Variants in PCDHA3 observed in about 807,000 individuals in gnomAD.
PCDHA3 encodes the protein protocadherin alpha 3.
A neutral mutation model predicts 62.2 loss-of-function variants in PCDHA3; 41 were observed. The ratio of observed to expected loss-of-function variants is 0.66; its 90% CI spans 0.51 to 0.86. The LOEUF is 0.86. Among genes scored for constraint, PCDHA3 ranks in the 40% least tolerant of loss-of-function variants. PCDHA3 has a pLI of 0.00. For missense variants in PCDHA3, 1,304 were observed against 1,241.2 expected (o/e 1.05, Z -0.76); for synonymous variants, 640 against 555.4 (o/e 1.15, Z -2.14).
chr5:140,831,227 C>T (rs1037770738), intron 1 of PCDHA3: 2 of 152,168 alleles, frequency 1.3e-5, no homozygotes, highest in Admixed American at 1.3e-4. Context: ...AAACTGCATT[C>T]CTCTGGCATT....
chr5:140,977,518 G>C (rs1328241179), intron 1 of PCDHA3, among the ~76,000 whole-genome samples: 5 of 152,166 alleles, frequency 3.3e-5, no homozygotes, highest in African/African-American at 7.2e-5. Context: ...TTGTGAACTT[G>C]AAAACAAAGG....
intron 1 of PCDHA3, among the ~76,000 whole-genome samples, chr5:140,891,825 G>T (rs2153435686): frequency 6.6e-6 from 1 of 152,302 alleles, no homozygotes; most frequent in East Asian, 1.9e-4. Flanking sequence ...TAACGGCACT[G>T]TAAAAGGACT....
rs1554122421 is a variant in PCDHA3 at position 140,802,865 on chromosome 5, G to A, written c.1668G>A (p.Leu556=). 6.2e-7 allele frequency: 1 copy of A among 1,613,494 alleles called. No individual in the cohort carries two copies. The highest frequency in any genetic ancestry group is 1.1e-5 in the South Asian group (1 of 91,066). The change falls in exon 1 of 4, where the codon CTG becomes CTA. Residue 556 remains leucine (L), a synonymous_variant. Coordinates refer to ENST00000522353, the MANE Select transcript of PCDHA3 (RefSeq NM_018906.3). ...GSNVTLQVFV[L]DENDNAPALL... is the part of the protein sequence containing the mutation. The stretch of plus-strand genomic sequence containing the variant: ...ACGTGACGCTGCAGGTGTTCGTGCT[G>A]GACGAGAACGACAACGCGCCGGCAC...
At chr5:140,885,107 T>G (rs2060471687) in intron 1 of PCDHA3, among the ~76,000 whole-genome samples, 1 of 152,238 alleles carries the variant, frequency 6.6e-6, no homozygotes, top group African/African-American at 2.4e-5. Context: ...TAAATGCTTT[T>G]TTTAAGTGCA....
intron 1 of PCDHA3, chr5:140,803,821 G>T: frequency 1.5e-6 from 1 of 658,616 alleles, no homozygotes; most frequent in Non-Finnish European, 2.5e-6. Flanking sequence ...TTGTTATTAG[G>T]TGCAGTAGTA....
intron 1 of PCDHA3, chr5:140,859,028 T>C (rs1281709317): frequency 6.6e-6 from 1 of 150,998 alleles, no homozygotes; most frequent in Non-Finnish European, 1.5e-5. Flanking sequence ...AGTTAAATGC[T>C]TTGAACTTTA....
rs147219331 is a variant in PCDHA3, at chr5:140,927,900, T to C, written c.2395-51049T>C. On this transcript the variant is annotated intron_variant, in intron 1 of 3. Transcript: ENST00000522353. Reference sequence around the variant, plus strand: ...TGGAGGTGACTGACGTGAACGATCATGCCCCCGAACTGGACTTCCTGACTC... The same window carrying C: ...TGGAGGTGACTGACGTGAACGATCACGCCCCCGAACTGGACTTCCTGACTC... 2,142 of 1,614,232 alleles carry C rather than the reference T, an allele frequency of 1.3e-3. 2 individuals are homozygous for C. The highest frequency in any genetic ancestry group is 1.7e-3 in the Non-Finnish European group (2,053 of 1,180,040).
chr5:140,805,865 A>G (rs1478948199), intron 1 of PCDHA3, among the ~76,000 whole-genome samples: 2 of 152,178 alleles, frequency 1.3e-5, no homozygotes, highest in Admixed American at 1.3e-4. Context: ...AAATTAATGC[A>G]TTTTATTAGG....
intron 3 of PCDHA3, 34 bp from the exon 4 acceptor site, chr5:141,009,593 C>T (rs1219056557): frequency 6.2e-7 from 1 of 1,601,902 alleles, no homozygotes; most frequent in Non-Finnish European, 8.5e-7. Context: ...CATGTGTTGA[C>T]CCTGTTAATG....
chr5:140,950,426 ACT>A (rs1554219446), intron 1 of PCDHA3, among the ~76,000 whole-genome samples: 5 of 151,872 alleles, frequency 3.3e-5, no homozygotes, highest in African/African-American at 1.2e-4. Flanking sequence ...ATTTTCTTCC[ACT>A]TAAAAAAAAT....
At chr5:140,928,685 A>G (rs899513448) in intron 1 of PCDHA3, 36 of 1,614,050 alleles carry the variant, frequency 2.2e-5, no homozygotes, top group Non-Finnish European at 3.1e-5. Context: ...TGGCTTTCCT[A>G]CCACATCTCC....
At chr5:140,843,564 G>A in intron 1 of PCDHA3, 1 of 1,595,922 alleles carries the variant, frequency 6.3e-7, no homozygotes, top group Non-Finnish European at 8.6e-7. Flanking sequence ...GTGGGGAGCT[G>A]GTCATACTCG....
intron 3 of PCDHA3, among the ~76,000 whole-genome samples, chr5:140,995,404 A>G (rs941348184): frequency 1.3e-5 from 2 of 152,184 alleles, no homozygotes; most frequent in Admixed American, 6.5e-5. Flanking sequence ...ATGGCTCGAG[A>G]TTTCATCACA....
intron 1 of PCDHA3, chr5:140,836,159 G>A (rs2150254425): frequency 6.2e-7 from 1 of 1,613,838 alleles, no homozygotes. Context: ...ATGTGGTGGC[G>A]AAGGTACGTG....
intron 1 of PCDHA3, among the ~76,000 whole-genome samples, chr5:140,898,545 C>CCG (rs2153461002): frequency 1.3e-5 from 2 of 152,322 alleles, no homozygotes; most frequent in East Asian, 3.9e-4. Context: ...TTCCATTTAT[C>CCG]TATGTCTCTG....
chr5:140,891,430 A>G (rs1422502424), intron 1 of PCDHA3, among the ~76,000 whole-genome samples: 1 of 141,772 alleles, frequency 7.1e-6, no homozygotes, highest in Non-Finnish European at 1.5e-5. Flanking sequence ...CCAAGTCCCC[A>G]ACGTCCATTG....
At chr5:140,892,236 C>T (rs1490048562) in intron 1 of PCDHA3, among the ~76,000 whole-genome samples, 3 of 152,140 alleles carry the variant, frequency 2.0e-5, no homozygotes, top group African/African-American at 7.2e-5. Context: ...TTTGTCTCCA[C>T]ATAAACCTGG....
intron 3 of PCDHA3, among the ~76,000 whole-genome samples, chr5:140,984,112 A>G (rs2097087288): frequency 6.6e-6 from 1 of 152,244 alleles, no homozygotes; most frequent in Admixed American, 6.5e-5. Flanking sequence ...GTGGTTTTAG[A>G]CTGCCAAGTG....
chr5:140,810,781 T>C (rs1764727792), intron 1 of PCDHA3: 1 of 152,136 alleles, frequency 6.6e-6, no homozygotes, highest in Admixed American at 6.5e-5. Flanking sequence ...TTTAGTAGTT[T>C]TCAACCTCAT....
Sources: gnomAD v4.1 joint callset for allele counts (sites outside exome capture counted in the v4.1 genomes callset) on GRCh38, gnomAD v4.1.1 for gene constraint, MANE v1.5 for transcripts, NCBI Gene and HGNC (gene_info 2026-07-23, HGNC 2026-07-21) for gene names.